Variants in PARD3B observed in about 807,000 individuals in gnomAD.
The protein encoded by PARD3B is partitioning defective 3 homolog B.
In PARD3B, 103 loss-of-function variants were observed where a neutral mutation model predicts 130.2. That is an observed-to-expected ratio of 0.79 (90% confidence interval 0.67 to 0.93). The LOEUF (loss-of-function observed/expected upper bound fraction) is 0.93, where lower values mean the gene tolerates loss of function less well. Among genes scored for constraint, PARD3B ranks in the 40% least tolerant of loss-of-function variants. The probability of loss-of-function intolerance (pLI) is 0.00; values close to 1 mark genes in which losing one functional copy is unlikely to be tolerated. For missense variants in PARD3B, 1,609 were observed against 1,499.2 expected, an observed-to-expected ratio of 1.07 and a Z score of -1.21; for synonymous variants, 583 against 553.2, an observed-to-expected ratio of 1.05 and a Z score of -0.76.
rs2041992399 is a variant in PARD3B, at chr2:205,301,427, C to T, written c.2393-37C>T. 1 of 1,579,988 alleles carries T rather than the reference C, an allele frequency of 6.3e-7. No homozygotes were observed. Among genetic ancestry groups the T allele is most frequent in the South Asian group, 1.2e-5 (1 of 85,224 alleles). On this transcript the variant is annotated intron_variant, in intron 17 of 22. Coordinates refer to ENST00000406610, the MANE Select transcript of PARD3B (RefSeq NM_001302769.2). The surrounding 1 kb of genome is among the most constrained non-coding windows in gnomAD (Gnocchi z 5.2). ...TCTCTGTATACTAACTGAGTGTGCC[C>T]CTGACCATGGGTATTGATTATTTTT...
At chr2:205,398,391 G>A in intron 18 of PARD3B, among the ~76,000 whole-genome samples, 1 of 151,714 alleles carries the variant, frequency 6.6e-6, no homozygotes, top group South Asian at 2.1e-4. Flanking sequence ...TTTCTTCAGT[G>A]AAAAAAAAGG....
chr2:204,761,508 T>G (rs1402056369), intron 2 of PARD3B, among the ~76,000 whole-genome samples: 2 of 152,182 alleles, frequency 1.3e-5, no homozygotes, highest in Non-Finnish European at 2.9e-5. Context: ...TGTGGCCACT[T>G]CTGGGTTGGC....
At chr2:204,628,008 T>G (rs892244049) in intron 1 of PARD3B, among the ~76,000 whole-genome samples, 3 of 151,010 alleles carry the variant, frequency 2.0e-5, no homozygotes, top group Admixed American at 6.6e-5. Context: ...TTTAGCTGAT[T>G]AGTGATCATT....
intron 2 of PARD3B, among the ~76,000 whole-genome samples, chr2:204,713,610 C>T (rs998781411): frequency 2.0e-5 from 3 of 151,912 alleles, no homozygotes; most frequent in Non-Finnish European, 4.4e-5. Flanking sequence ...CTTTTTGTGT[C>T]TTTGAATTTG....
intron 2 of PARD3B, among the ~76,000 whole-genome samples, chr2:204,709,207 T>G (rs746922108): frequency 6.6e-6 from 1 of 152,208 alleles, no homozygotes; most frequent in African/African-American, 2.4e-5. Context: ...ATTAATTTGA[T>G]ACAAAGTTCT....
intron 2 of PARD3B, among the ~76,000 whole-genome samples, chr2:204,695,249 G>C (rs1342026728): frequency 6.6e-6 from 1 of 151,718 alleles, no homozygotes; most frequent in Non-Finnish European, 1.5e-5. Context: ...AGGGGTATGG[G>C]ACCATTATTT....
At chr2:205,467,348 T>A (rs1053213457) in intron 20 of PARD3B, among the ~76,000 whole-genome samples, 1 of 152,338 alleles carries the variant, frequency 6.6e-6, no homozygotes, top group East Asian at 1.9e-4. Context: ...TTCTTCTCCA[T>A]GTAGGAAACA....
At chr2:204,697,397 C>T (rs1056209320) in intron 2 of PARD3B, among the ~76,000 whole-genome samples, 4 of 152,186 alleles carry the variant, frequency 2.6e-5, no homozygotes, top group South Asian at 4.1e-4. Context: ...TAAATTCATT[C>T]CCTATTGCTC....
intron 2 of PARD3B, among the ~76,000 whole-genome samples, chr2:204,801,673 T>C (rs1470928998): frequency 6.6e-6 from 1 of 152,208 alleles, no homozygotes; most frequent in Non-Finnish European, 1.5e-5. Flanking sequence ...TGACTTCCTC[T>C]CTTCCTATTT....
chr2:205,410,190 A>C (rs1211896588), intron 19 of PARD3B, among the ~76,000 whole-genome samples: 1 of 152,196 alleles, frequency 6.6e-6, no homozygotes, highest in Non-Finnish European at 1.5e-5. Context: ...GAATGTTCCA[A>C]TGAGCATTTC....
At chr2:205,594,907 C>T (rs2054514912) in intron 22 of PARD3B, among the ~76,000 whole-genome samples, 1 of 152,184 alleles carries the variant, frequency 6.6e-6, no homozygotes, top group South Asian at 2.1e-4. Flanking sequence ...GGACAATCAC[C>T]TTATACTCCA....
chr2:205,397,235 G>A lies in PARD3B; in HGVS notation c.2631-3778G>A, dbSNP rs2046064907. ...CAAACTTTACAAAATAAGGTAATTT[G>A]TAATCATTTTCTCTGGCTAATAAAA... On this transcript the variant is annotated intron_variant, in intron 18 of 22. Transcript: ENST00000406610. This position sits in a 1 kb window ranked among gnomAD's most constrained non-coding sequence, Gnocchi z 4.8. 6.6e-6 allele frequency among the ~76,000 whole-genome samples: 1 copy of A among 152,112 alleles called. No homozygotes were observed. The highest frequency in any genetic ancestry group is 1.9e-4 in the East Asian group (1 of 5,200).
intron 18 of PARD3B, among the ~76,000 whole-genome samples, chr2:205,327,782 CCTCA>C (rs1179053521): frequency 1.3e-5 from 2 of 152,158 alleles, no homozygotes; most frequent in African/African-American, 4.8e-5. Flanking sequence ...ATGTAAAATA[CCTCA>C]CTGACTGGTA....
rs568092772 is a variant in PARD3B, at chr2:205,247,364, T to C, written c.2185+1542T>C. Among the ~76,000 whole-genome samples, 87 of 152,310 alleles carry C rather than the reference T, an allele frequency of 5.7e-4. 1 individual carries two copies. In the South Asian group the frequency reaches 0.012, roughly 20 times the overall value. Reference sequence around the variant, plus strand: ...TAAATTTCAATGATCTGTCTTTACATAGTATGATATAAAATATTAATAAAG... The same window carrying C: ...TAAATTTCAATGATCTGTCTTTACACAGTATGATATAAAATATTAATAAAG... On this transcript the variant is annotated intron_variant, in intron 16 of 22. Coordinates refer to ENST00000406610, the MANE Select transcript of PARD3B (RefSeq NM_001302769.2).
intron 21 of PARD3B, among the ~76,000 whole-genome samples, chr2:205,532,118 G>C (rs1338980597): frequency 6.6e-6 from 1 of 152,154 alleles, no homozygotes; most frequent in Non-Finnish European, 1.5e-5. Flanking sequence ...ATCATGCCTT[G>C]GCATTCGAAC....
rs1448710674 is a variant in PARD3B, at chr2:205,142,068, T to G, written c.1434+16331T>G. 6.6e-6 allele frequency among the ~76,000 whole-genome samples: 1 copy of G among 152,188 alleles called. No homozygotes were observed. The highest frequency in any genetic ancestry group is 1.5e-5 in the Non-Finnish European group (1 of 68,036). ...GTTGCCCTTAAAGTCCTTAAAGATG[T>G]ACATAATAATAAATAACCATGATAT... On this transcript the variant is annotated intron_variant, in intron 10 of 22. Transcript: ENST00000406610. The surrounding 1 kb of genome is among the most constrained non-coding windows in gnomAD (Gnocchi z 4.3).
At chr2:205,042,775 G>T (rs1698481311) in intron 3 of PARD3B, among the ~76,000 whole-genome samples, 1 of 151,582 alleles carries the variant, frequency 6.6e-6, no homozygotes, top group South Asian at 2.1e-4. Context: ...TTTTCTGAAA[G>T]ATAACTTGAG....
At position 205,598,843 on chromosome 2, in the gene PARD3B, A is replaced by C. The variant is rs139325446; in HGVS notation, c.3261-16613A>C. ...AAAACCACACAATTACATGGAAATTAAACAACTTGCTCCTGAATGACTTTT... is the reference window on the plus strand; with the variant it reads ...AAAACCACACAATTACATGGAAATTCAACAACTTGCTCCTGAATGACTTTT... On this transcript the variant is annotated intron_variant, in intron 22 of 22. Coordinates refer to ENST00000406610, the MANE Select transcript of PARD3B (RefSeq NM_001302769.2). Among the ~76,000 whole-genome samples the C allele has an allele frequency of 3.4e-3, 521 of 152,338 alleles. 2 individuals are homozygous for C. The highest frequency in any genetic ancestry group is 5.5e-3 in the Non-Finnish European group (377 of 68,018).
intron 3 of PARD3B, among the ~76,000 whole-genome samples, chr2:205,032,950 T>C (rs1443644812): frequency 1.3e-5 from 2 of 152,220 alleles, no homozygotes; most frequent in Non-Finnish European, 2.9e-5. Flanking sequence ...GATTTGAATT[T>C]AGTACTTTGA....
Sources: allele counts gnomAD v4.1 joint callset (sites outside exome capture counted in the v4.1 genomes callset), GRCh38; gene constraint gnomAD v4.1.1; non-coding constraint Gnocchi (gnomAD v3.1); transcripts MANE v1.5; gene names NCBI Gene and HGNC (gene_info 2026-07-23, HGNC 2026-07-21).